PCSK7: variants seen among roughly 807,000 people sequenced by gnomAD.
PCSK7 encodes the protein lymphoma proprotein convertase.
PCSK7 carries 38 observed loss-of-function variants against 73.3 expected under a neutral mutation model. The observed-to-expected ratio is 0.52, with a 90% CI of 0.40 to 0.68. The LOEUF (loss-of-function observed/expected upper bound fraction) is 0.68. Ranked by LOEUF, PCSK7 falls within the 30% of genes least tolerant of loss-of-function variation. The pLI, the probability that PCSK7 is intolerant of heterozygous loss-of-function variation, is 0.00. For missense variants in PCSK7, 692 were observed against 991.5 expected, an observed-to-expected ratio of 0.70 and a Z score of 4.06; for synonymous variants, 296 against 383.8, an observed-to-expected ratio of 0.77 and a Z score of 2.68.
rs747032045 is a variant in PCSK7 at position 117,224,185 on chromosome 11, C to T, written c.947G>A (p.Arg316His). 8.7e-6 allele frequency: 14 copies of T among 1,614,040 alleles called. No homozygotes were observed. Among genetic ancestry groups the T allele is most frequent in the South Asian group, 3.3e-5 (3 of 91,090 alleles). ...CACAAAGATGCTCCCAAAGCCCTGG[C>T]GACCAGCAATCACCCCATGTTGTAA... ...AALQHGVIAG[R>H]QGFGSIFVVA... Residue 316 changes from arginine (R) to histidine (H), a missense_variant, in exon 8 of 17, where the codon CGC becomes CAC. Transcript: ENST00000320934.
chr11:117,213,374 G>A (rs979015988), intron 12 of PCSK7: 4 of 152,182 alleles, frequency 2.6e-5, no homozygotes, highest in South Asian at 4.2e-4. Context: ...AAACACTCGC[G>A]CGTTTCAAGT....
In PCSK7 at chr11:117,204,549, AC is replaced by A. The variant is rs1338770391; in HGVS notation, c.*1447del. 3.5e-6 allele frequency: 3 copies of A among 846,706 alleles called. No homozygotes were observed. In the African/African-American group the frequency reaches 5.0e-5, roughly 14 times the overall value. 52.4% of individuals were successfully genotyped at this position (846,706 alleles called of 1,614,324 possible). ...GCCCCCAGCCTCAGCCCAACTTCTT[AC>A]CCGAAAGCATCACTGCCTTGGCCCC... On this transcript the variant is annotated 3_prime_UTR_variant, in exon 17 of 17. Coordinates refer to ENST00000320934, the MANE Select transcript of PCSK7 (RefSeq NM_004716.4).
At position 117,229,916 on chromosome 11, in the gene PCSK7, A is replaced by C. The variant is rs559803195; in HGVS notation, c.-12-60T>G. The C allele has an allele frequency of 2.3e-5, 23 of 1,020,562 alleles. No homozygotes were observed. In the African/African-American group the frequency reaches 3.6e-4, roughly 16 times the overall value. 63.2% of individuals were successfully genotyped at this position (1,020,562 alleles called of 1,614,324 possible). On this transcript the variant is annotated intron_variant, in intron 2 of 16. Transcript: ENST00000320934. ...AAGAGCTGGTAACTGCAGGAATCTG[A>C]GAGGGAGATGCTGAGCCATCCATGT...
Position 117,218,434 on chromosome 11 carries a change from TA to T in PCSK7, c.1534+31del. 1 of 1,271,376 alleles carries T rather than the reference TA, an allele frequency of 7.9e-7. No individual in the cohort carries two copies. The highest frequency in any genetic ancestry group is 1.1e-6 in the Non-Finnish European group (1 of 908,244). The allele number at this position is 1,271,376 out of a possible 1,614,324, so 78.8% of individuals were successfully genotyped here. A position where few individuals can be genotyped will look rare whatever the true frequency, so the allele number is the denominator to read the frequency against. On this transcript the variant is annotated intron_variant, in intron 12 of 16. Transcript: ENST00000320934. This position sits in a 1 kb window ranked among gnomAD's most constrained non-coding sequence, Gnocchi z 4.0. The stretch of plus-strand genomic sequence containing the variant: ...GTCACCCGGCCCCAAACCTCAGGCC[TA>T]AGATTAACCCCCTTTGTGCTGATTA...
chr11:117,221,072 G>C (rs1207173891), intron 9 of PCSK7: 1 of 152,226 alleles, frequency 6.6e-6, no homozygotes, highest in Non-Finnish European at 1.5e-5. Context: ...TATGGCACTT[G>C]GATCGTTGGC....
intron 3 of PCSK7, among the ~76,000 whole-genome samples, chr11:117,228,691 G>A (rs992948834): frequency 5.9e-5 from 9 of 151,398 alleles, no homozygotes; most frequent in Admixed American, 1.3e-4. Flanking sequence ...CAGGATCTCG[G>A]CTCACTGCAA....
chr11:117,218,361 C>T lies in PCSK7; in HGVS notation c.1534+105G>A. The stretch of plus-strand genomic sequence containing the variant: ...CTCCACAGGTTTGGCTGGAGCTCAG[C>T]TCCGAAAGGGGGTAGAATCTGGCAG... On this transcript the variant is annotated intron_variant, in intron 12 of 16. Coordinates refer to ENST00000320934, the MANE Select transcript of PCSK7 (RefSeq NM_004716.4). The surrounding 1 kb of genome is among the most constrained non-coding windows in gnomAD (Gnocchi z 4.0). 1.6e-6 allele frequency: 1 copy of T among 607,310 alleles called. No individual in the cohort carries two copies. The highest frequency in any genetic ancestry group is 3.0e-5 in the East Asian group (1 of 33,436). The allele number at this position is 607,310 out of a possible 1,614,324, so 37.6% of individuals were successfully genotyped here.
rs1259555874 is a variant in PCSK7, at chr11:117,204,438, C to T, written c.*1559G>A. 2.5e-6 allele frequency: 4 copies of T among 1,599,850 alleles called. No individual in the cohort carries two copies. The highest frequency in any genetic ancestry group is 3.4e-5 in the Admixed American group (2 of 58,854). On this transcript the variant is annotated 3_prime_UTR_variant, in exon 17 of 17. Coordinates refer to ENST00000320934, the MANE Select transcript of PCSK7 (RefSeq NM_004716.4). The stretch of plus-strand genomic sequence containing the variant: ...CATCCCGCTTAGCCTGCCTCACCCA[C>T]ACCCGTGTGGTACCTTCAGCCCTGG...
At chr11:117,227,521 C>A (rs2032477496) in intron 4 of PCSK7, among the ~76,000 whole-genome samples, 199 bp from the exon 5 acceptor site, 1 of 152,202 alleles carries the variant, frequency 6.6e-6, no homozygotes, top group Admixed American at 6.5e-5. Context: ...CAGCTCACTG[C>A]AACAACTGCC....
chr11:117,210,184 C>T (rs2031660571), intron 12 of PCSK7: 1 of 152,160 alleles, frequency 6.6e-6, no homozygotes, highest in Middle Eastern at 3.2e-3. Context: ...TGATATTATA[C>T]TTTAATTGTG....
At chr11:117,224,314 G>A in intron 7 of PCSK7, 98 bp from the exon 8 acceptor site, 5 of 1,313,270 alleles carry the variant, frequency 3.8e-6, no homozygotes, top group Non-Finnish European at 4.3e-6. Flanking sequence ...AGAAACAAAG[G>A]GAAAAAAGTT....
chr11:117,224,590 G>C (rs557084917), intron 7 of PCSK7, 111 bp downstream of exon 7: 2 of 903,504 alleles, frequency 2.2e-6, no homozygotes, highest in East Asian at 4.8e-5. Context: ...CTTCCTGAAA[G>C]GAGACTGAGC....
chr11:117,216,909 TCAAAA>T (rs2032006048), intron 12 of PCSK7: 1 of 152,052 alleles, frequency 6.6e-6, no homozygotes, highest in Non-Finnish European at 1.5e-5. Flanking sequence ...ACTCTGCATG[TCAAAA>T]TTACTCAAGG....
In PCSK7 at chr11:117,218,108, G is replaced by C. The variant is rs748381022; in HGVS notation, c.1534+358C>G. 6.0e-6 allele frequency: 1 copy of C among 165,908 alleles called. No individual in the cohort carries two copies. The highest frequency in any genetic ancestry group is 1.3e-5 in the Non-Finnish European group (1 of 77,166). The allele number at this position is 165,908 out of a possible 1,614,324, so 10.3% of individuals were successfully genotyped here. A position where few individuals can be genotyped will look rare whatever the true frequency, so the allele number is the denominator to read the frequency against. On this transcript the variant is annotated intron_variant, in intron 12 of 16. Transcript: ENST00000320934. This position sits in a 1 kb window ranked among gnomAD's most constrained non-coding sequence, Gnocchi z 4.0. ...CATCCAGACACCCGAGGACTGACCA[G>C]AGTTCTCTGGCAAGATCTTAGCATG... is the stretch of plus-strand genomic sequence containing the variant.
chr11:117,223,186 G>C (rs997900087), intron 9 of PCSK7, 22 bp downstream of exon 9: 1 of 1,438,048 alleles, frequency 7.0e-7, no homozygotes, highest in Non-Finnish European at 9.8e-7. Flanking sequence ...GGCAGGCCGT[G>C]GAGGGCCCGG....
rs2031385856 is a variant in PCSK7 at position 117,206,321 on chromosome 11, C to G, written c.2034G>C (p.Trp678Cys). 1 of 1,612,170 alleles carries G rather than the reference C, an allele frequency of 6.2e-7. No homozygotes were observed. The highest frequency in any genetic ancestry group is 1.1e-5 in the South Asian group (1 of 91,006). ...ATACTTCCAGCATGTAGTAAACAGT[C>G]CAGAAGACGGTGAAACAGCCTACCA... is the stretch of plus-strand genomic sequence containing the variant. ...LVLVGCFTVFWTVYYMLEVYL... is the reference protein window; with the variant it reads ...LVLVGCFTVFCTVYYMLEVYL... Residue 678 changes from tryptophan (W) to cysteine (C), a missense_variant, in exon 17 of 17, where the codon TGG (tryptophan) becomes TGC (cysteine). Coordinates refer to ENST00000320934, the MANE Select transcript of PCSK7 (RefSeq NM_004716.4).
chr11:117,204,371 C>A lies in PCSK7; in HGVS notation c.*1626G>T. ...AGATCATCAGTTAGAGCGGAGAGGG[C>A]TAGCCCTGAGCCCGGCCCTCCCCCA... is the stretch of plus-strand genomic sequence containing the variant. On this transcript the variant is annotated 3_prime_UTR_variant, in exon 17 of 17. Transcript: ENST00000320934. 1 of 1,614,230 alleles carries A rather than the reference C, an allele frequency of 6.2e-7. No homozygotes were observed. Among genetic ancestry groups the A allele is most frequent in the East Asian group, 2.2e-5 (1 of 44,882 alleles).
At position 117,218,913 on chromosome 11, in the gene PCSK7, C is replaced by T; in HGVS notation, c.1431+144G>A. 1 of 601,588 alleles carries T rather than the reference C, an allele frequency of 1.7e-6. No individual in the cohort carries two copies. The highest frequency in any genetic ancestry group is 2.9e-6 in the Non-Finnish European group (1 of 340,302). The allele number at this position is 601,588 out of a possible 1,614,324, so 37.3% of individuals were successfully genotyped here. On this transcript the variant is annotated intron_variant, in intron 11 of 16. Transcript: ENST00000320934. This position sits in a 1 kb window ranked among gnomAD's most constrained non-coding sequence, Gnocchi z 4.0. ...TTCTCATTTGTAAAATGGATATCAG[C>T]TGGGATGAAGGTTGAAGTTGTTAAA...
chr11:117,219,743 C>T lies in PCSK7; in HGVS notation c.1171G>A (p.Asp391Asn). The T allele has an allele frequency of 6.3e-7, 1 of 1,581,918 alleles. No homozygotes were observed. The highest frequency in any genetic ancestry group is 8.6e-7 in the Non-Finnish European group (1 of 1,165,456). The change falls in exon 10 of 17, where the codon GAC (aspartate) becomes AAC (asparagine). Residue 391 changes from aspartate (D) to asparagine (N), a missense_variant. Coordinates refer to ENST00000320934, the MANE Select transcript of PCSK7 (RefSeq NM_004716.4). ...MLRSIVTTDW[D>N]LQKGTGCTEG... ...GTGCAGCCAGTGCCCTTCTGAAGGT[C>T]CCAGTCAGTGGTCACCTGGAAGTGA...
Sources: allele counts gnomAD v4.1 joint callset (sites outside exome capture counted in the v4.1 genomes callset), GRCh38; gene constraint gnomAD v4.1.1; non-coding constraint Gnocchi (gnomAD v3.1); transcripts MANE v1.5; gene names NCBI Gene and HGNC (gene_info 2026-07-23, HGNC 2026-07-21).